PRKAG2: variants seen among roughly 807,000 people sequenced by gnomAD.
The protein encoded by PRKAG2 is protein kinase AMP-activated non-catalytic subunit gamma 2, also known as 5'-AMP-activated protein kinase subunit gamma-2.
In PRKAG2, 26 loss-of-function variants were observed where a neutral mutation model predicts 69.6. The ratio of observed to expected loss-of-function variants is 0.37; its 90% confidence interval spans 0.27 to 0.52. The LOEUF (loss-of-function observed/expected upper bound fraction) is 0.52, where lower values mean the gene tolerates loss of function less well. Among genes scored for constraint, PRKAG2 ranks in the 20% least tolerant of loss-of-function variants. The pLI, the probability that PRKAG2 is intolerant of heterozygous loss-of-function variation, is 0.90. For missense variants in PRKAG2, 557 were observed against 740.0 expected (o/e 0.75, Z 2.87); for synonymous variants, 293 against 285.0 (o/e 1.03, Z -0.28).
chr7:151,796,350 C>T (rs2077535631), intron 1 of PRKAG2, among the ~76,000 whole-genome samples: 1 of 152,116 alleles, frequency 6.6e-6, no homozygotes, highest in Admixed American at 6.5e-5. Context: ...GACGAGAGGA[C>T]AAAGACGGAT....
intron 3 of PRKAG2, among the ~76,000 whole-genome samples, chr7:151,779,449 G>A (rs1161590044): frequency 3.9e-5 from 6 of 152,220 alleles, no homozygotes; most frequent in African/African-American, 1.2e-4. Flanking sequence ...CTCTGTGCAG[G>A]AGAATGATGT....
rs967207119 is a variant in PRKAG2 at position 151,719,896 on chromosome 7, G to A, written c.467-44259C>T. ...GTAGTTCTGTTATTTCACTGAGGCCGCCACATTCAATCTGCACCTTCCCAT... is the reference window on the plus strand; with the variant it reads ...GTAGTTCTGTTATTTCACTGAGGCCACCACATTCAATCTGCACCTTCCCAT... On this transcript the variant is annotated intron_variant, in intron 3 of 15. Transcript: ENST00000287878. This position sits in a 1 kb window ranked among gnomAD's most constrained non-coding sequence, Gnocchi z 5.2. Among the ~76,000 whole-genome samples, 5 of 152,280 alleles carry A rather than the reference G, an allele frequency of 3.3e-5. No individual in the cohort carries two copies. The highest frequency in any genetic ancestry group is 2.0e-4 in the Admixed American group (3 of 15,304).
In PRKAG2 at chr7:151,863,953, G is replaced by A. The variant is rs569842974; in HGVS notation, c.114+12554C>T. On this transcript the variant is annotated intron_variant, in intron 1 of 15. Transcript: ENST00000287878. ...ACCAAATATGTCCACCTGCCTTTAT[G>A]CTGTATTTTATCACAGTAGTAAACT... 1.3e-3 allele frequency among the ~76,000 whole-genome samples: 198 copies of A among 151,178 alleles called. 6 individuals carry two copies. In the South Asian group the frequency reaches 0.035, roughly 27 times the overall value.
rs765451397 is a variant in PRKAG2, at chr7:151,836,223, G to A, written c.114+40284C>T. 5.4e-4 allele frequency among the ~76,000 whole-genome samples: 82 copies of A among 152,180 alleles called. No homozygotes were observed. The highest frequency in any genetic ancestry group is 2.7e-3 in the Admixed American group (41 of 15,270). ...TTTGTCTGTCATCTCTTCCCCAGGA[G>A]ACTGAGAGACTCGGGGGAGCAGGGG... On this transcript the variant is annotated intron_variant, in intron 1 of 15. Transcript: ENST00000287878. The surrounding 1 kb of genome is among the most constrained non-coding windows in gnomAD (Gnocchi z 4.1).
At position 151,676,703 on chromosome 7, in the gene PRKAG2, C is replaced by T. The variant is rs78978581; in HGVS notation, c.467-1066G>A. 3.9e-5 allele frequency among the ~76,000 whole-genome samples: 6 copies of T among 152,238 alleles called. No homozygotes were observed. The East Asian group carries it at 1.2e-3, about 29-fold the overall frequency. On this transcript the variant is annotated intron_variant, in intron 3 of 15. Coordinates refer to ENST00000287878, the MANE Select transcript of PRKAG2 (RefSeq NM_016203.4). ...CAAGAAGAGGTTAAATAAATCATGG[C>T]ACAGTGCACAGGTAGGATGTGACCT...
rs2078597766 is a variant in PRKAG2, at chr7:151,814,960, GGCCGATGATGCA to G, written c.115-28431_115-28420del. On this transcript the variant is annotated intron_variant, in intron 1 of 15. Coordinates refer to ENST00000287878, the MANE Select transcript of PRKAG2 (RefSeq NM_016203.4). The surrounding 1 kb of genome is among the most constrained non-coding windows in gnomAD (Gnocchi z 4.8). ...CAGGATGGAGGGAGGCAGGAGCAGA[GGCCGATGATGCA>G]GCAGTGGACAGCTCTGGGCTCCAGG... The G allele has an allele frequency of 1.0e-6, 1 of 958,442 alleles. No individual in the cohort carries two copies. The highest frequency in any genetic ancestry group is 1.7e-5 in the African/African-American group (1 of 59,172). The allele number at this position is 958,442 out of a possible 1,614,324, so 59.4% of individuals were successfully genotyped here.
intron 1 of PRKAG2, among the ~76,000 whole-genome samples, chr7:151,865,611 C>T (rs889429908): frequency 6.6e-6 from 1 of 152,226 alleles, no homozygotes; most frequent in African/African-American, 2.4e-5. Flanking sequence ...AGACAGGTGA[C>T]AGAGGCGCCA....
At chr7:151,668,631 C>A (rs933471276) in intron 4 of PRKAG2, among the ~76,000 whole-genome samples, 2 of 152,160 alleles carry the variant, frequency 1.3e-5, no homozygotes, top group African/African-American at 4.8e-5. Context: ...ATAACTAAAG[C>A]CTGTCTTGTG....
At chr7:151,660,604 A>T (rs1830173897) in intron 4 of PRKAG2, among the ~76,000 whole-genome samples, 1 of 152,222 alleles carries the variant, frequency 6.6e-6, no homozygotes, top group Non-Finnish European at 1.5e-5. Context: ...ATTTTATGAA[A>T]ATAAGACTTG....
intron 2 of PRKAG2, among the ~76,000 whole-genome samples, chr7:151,782,234 G>A (rs2076710691): frequency 6.6e-6 from 1 of 151,668 alleles, no homozygotes; most frequent in South Asian, 2.1e-4. Context: ...AGTGAGCCGA[G>A]ATGGCGCCAT....
intron 3 of PRKAG2, among the ~76,000 whole-genome samples, chr7:151,684,487 G>A (rs1834379900): frequency 6.6e-6 from 1 of 152,174 alleles, no homozygotes; most frequent in Admixed American, 6.5e-5. Flanking sequence ...AGCTGCCCGT[G>A]GGCTTTGTGT....
chr7:151,744,793 C>T (rs548536132), intron 3 of PRKAG2, among the ~76,000 whole-genome samples: 1 of 152,224 alleles, frequency 6.6e-6, no homozygotes, highest in South Asian at 2.1e-4. Flanking sequence ...AGAATCAGCC[C>T]GGCCGACCGA....
At chr7:151,749,785 T>TG (rs1465509937) in intron 3 of PRKAG2, among the ~76,000 whole-genome samples, 1 of 108,474 alleles carries the variant, frequency 9.2e-6, no homozygotes, top group Non-Finnish European at 1.9e-5. Flanking sequence ...ACAACCACAC[T>TG]GAAAAAAAAA....
At chr7:151,764,882 T>G (rs2075646733) in intron 3 of PRKAG2, among the ~76,000 whole-genome samples, 1 of 152,208 alleles carries the variant, frequency 6.6e-6, no homozygotes, top group Non-Finnish European at 1.5e-5. Context: ...GACTCCAAGG[T>G]AACACACCTG....
At position 151,632,021 on chromosome 7, in the gene PRKAG2, GGCCGGGCCGTGGGAGC is replaced by G. The variant is rs778290970; in HGVS notation, c.754+32_754+47del. ...TCCCCGCGGGTCCCGGTCCTCGGGC[GGCCGGGCCGTGGGAGC>G]GCCGGGCCGGCAGCGGGCGGGGCGC... On this transcript the variant is annotated intron_variant, in intron 5 of 15. Coordinates refer to ENST00000287878, the MANE Select transcript of PRKAG2 (RefSeq NM_016203.4). The surrounding 1 kb of genome is among the most constrained non-coding windows in gnomAD (Gnocchi z 4.2). The G allele has an allele frequency of 3.0e-5, 37 of 1,251,134 alleles. No homozygotes were observed. The highest frequency in any genetic ancestry group is 6.9e-5 in the Admixed American group (2 of 29,024). The allele number at this position is 1,251,134 out of a possible 1,614,324, so 77.5% of individuals were successfully genotyped here.
At chr7:151,695,600 C>T (rs556039287) in intron 3 of PRKAG2, among the ~76,000 whole-genome samples, 1 of 152,200 alleles carries the variant, frequency 6.6e-6, no homozygotes, top group Non-Finnish European at 1.5e-5. Flanking sequence ...GCAAGGACTT[C>T]AGGAACACAT....
chr7:151,589,295 A>G (rs540987648), intron 6 of PRKAG2, among the ~76,000 whole-genome samples: 16 of 152,286 alleles, frequency 1.1e-4, no homozygotes, highest in African/African-American at 3.4e-4. Context: ...ACCCAGAGAC[A>G]TAAGCACCAG....
At chr7:151,596,468 A>G (rs6956235) in intron 5 of PRKAG2, among the ~76,000 whole-genome samples, 5,393 of 152,228 alleles carry the variant, frequency 0.035, 320 homozygotes, top group African/African-American at 0.12. Context: ...ATTGAAGCAG[A>G]CCAGGTGTGG....
At chr7:151,592,213 C>T (rs73727864) in intron 6 of PRKAG2, among the ~76,000 whole-genome samples, 5,409 of 152,308 alleles carry the variant, frequency 0.036, 308 homozygotes, top group African/African-American at 0.12. Context: ...ACAGGTGCTT[C>T]TCCTGCTGGG....
Sources: allele counts gnomAD v4.1 joint callset (sites outside exome capture counted in the v4.1 genomes callset), GRCh38; gene constraint gnomAD v4.1.1; non-coding constraint Gnocchi (gnomAD v3.1); transcripts MANE v1.5; gene names NCBI Gene and HGNC (gene_info 2026-07-23, HGNC 2026-07-21).